Variants in ADK observed in about 807,000 individuals in gnomAD.
The protein encoded by ADK is adenosine kinase.
Under a neutral mutation model 44.7 loss-of-function variants are expected in ADK, and 24 were observed. The ratio of observed to expected loss-of-function variants is 0.54; its 90% CI spans 0.39 to 0.76. ADK has a LOEUF of 0.76. Among genes scored for constraint, ADK ranks in the 30% least tolerant of loss-of-function variants. The probability of loss-of-function intolerance (pLI) is 0.00; values close to 1 mark genes in which losing one functional copy is unlikely to be tolerated. For missense variants in ADK, 321 were observed against 425.1 expected (o/e 0.76, Z 2.15); for synonymous variants, 128 against 142.6 (o/e 0.90, Z 0.73).
chr10:74,615,608 A>G (rs1417482698), intron 9 of ADK, among the ~76,000 whole-genome samples: 1 of 152,220 alleles, frequency 6.6e-6, no homozygotes, highest in Non-Finnish European at 1.5e-5. Context: ...TGAGTATGTA[A>G]TAGACCTCAT....
intron 7 of ADK, among the ~76,000 whole-genome samples, chr10:74,557,293 T>C (rs2133804885): frequency 1.3e-5 from 2 of 152,318 alleles, no homozygotes; most frequent in South Asian, 4.1e-4. Context: ...GATTGTGTAA[T>C]ATTTTTATCT....
At chr10:74,184,498 A>G (rs1842675069) in intron 1 of ADK, among the ~76,000 whole-genome samples, 1 of 116,848 alleles carries the variant, frequency 8.6e-6, no homozygotes, top group Admixed American at 9.3e-5. Flanking sequence ...GCCTGGCTAT[A>G]TTTTGTGTGT....
At chr10:74,155,433 C>T (rs973772432) in intron 1 of ADK, among the ~76,000 whole-genome samples, 9 of 151,952 alleles carry the variant, frequency 5.9e-5, no homozygotes, top group South Asian at 2.1e-4. Flanking sequence ...TGGGATTACA[C>T]GTGTGAGCCA....
intron 6 of ADK, among the ~76,000 whole-genome samples, chr10:74,410,243 C>T (rs1465270992): frequency 6.6e-6 from 1 of 151,598 alleles, no homozygotes; most frequent in Non-Finnish European, 1.5e-5. Flanking sequence ...AAATTTCATG[C>T]TCAGAATTTA....
intron 7 of ADK, among the ~76,000 whole-genome samples, chr10:74,568,170 C>T (rs1850762516): frequency 6.6e-6 from 1 of 152,044 alleles, no homozygotes; most frequent in Non-Finnish European, 1.5e-5. Flanking sequence ...GTGTTTAGCT[C>T]ATCAGCTGTT....
intron 6 of ADK, among the ~76,000 whole-genome samples, chr10:74,463,073 ATTATT>A (rs1323975263): frequency 6.6e-6 from 1 of 151,952 alleles, no homozygotes; most frequent in African/African-American, 2.4e-5. Flanking sequence ...CTAATAAGTG[ATTATT>A]TTATTTTTTT....
At chr10:74,217,808 G>T (rs1844121346) in intron 2 of ADK, among the ~76,000 whole-genome samples, 1 of 152,058 alleles carries the variant, frequency 6.6e-6, no homozygotes. Context: ...TGCAGCTGAG[G>T]GTCCTGTCTG....
At chr10:74,204,760 C>T (rs1843526351) in intron 2 of ADK, among the ~76,000 whole-genome samples, 1 of 152,018 alleles carries the variant, frequency 6.6e-6, no homozygotes, top group African/African-American at 2.4e-5. Context: ...TGTCAAATTT[C>T]AGGCTGGGCG....
intron 4 of ADK, among the ~76,000 whole-genome samples, chr10:74,345,582 A>G (rs567243412): frequency 5.9e-5 from 9 of 152,304 alleles, no homozygotes; most frequent in Admixed American, 3.9e-4. Flanking sequence ...TGCTGGGTTT[A>G]CAGATGTGAG....
intron 6 of ADK, among the ~76,000 whole-genome samples, chr10:74,510,116 G>T (rs1029877619): frequency 2.0e-4 from 31 of 152,096 alleles, no homozygotes; most frequent in African/African-American, 7.0e-4. Flanking sequence ...AGGATTGCTG[G>T]ATCATGTAGT....
At chr10:74,176,878 G>T in intron 1 of ADK, 1 of 1,609,932 alleles carries the variant, frequency 6.2e-7, no homozygotes. Flanking sequence ...AAGCCATGAC[G>T]TCAGTCAGGT....
chr10:74,628,096 A>G (rs1853281279), intron 9 of ADK, among the ~76,000 whole-genome samples: 1 of 152,222 alleles, frequency 6.6e-6, no homozygotes, highest in Admixed American at 6.5e-5. Context: ...TAAACCATCT[A>G]TACATAGAGA....
rs184264997 is a variant in ADK at position 74,500,003 on chromosome 10, C to T, written c.556-25253C>T. On this transcript the variant is annotated intron_variant, in intron 6 of 10. Transcript: ENST00000539909. ...TATGAGCTTGGGTGAGTTAAACAAC[C>T]TTTCTGCACTGTTAATTTCATCTGC... Among the ~76,000 whole-genome samples the T allele has an allele frequency of 2.6e-5, 4 of 152,272 alleles. No individual in the cohort carries two copies. The East Asian group carries it at 7.7e-4, about 29-fold the overall frequency.
At chr10:74,696,475 C>T (rs1486050647) in intron 10 of ADK, among the ~76,000 whole-genome samples, 1 of 151,790 alleles carries the variant, frequency 6.6e-6, no homozygotes, top group Non-Finnish European at 1.5e-5. Flanking sequence ...ATGCCATTCT[C>T]CTGCCTCAGC....
At chr10:74,399,686 CT>C (rs1843643928) in intron 6 of ADK, among the ~76,000 whole-genome samples, 1 of 151,676 alleles carries the variant, frequency 6.6e-6, no homozygotes, top group Admixed American at 6.6e-5. Flanking sequence ...AATCTTGATA[CT>C]GTATTTCTTG....
chr10:74,460,062 GT>G (rs553308416), intron 6 of ADK, among the ~76,000 whole-genome samples: 1 of 152,048 alleles, frequency 6.6e-6, no homozygotes, highest in Non-Finnish European at 1.5e-5. Flanking sequence ...AGTGATTTGG[GT>G]TTGGAAGCTT....
intron 1 of ADK, among the ~76,000 whole-genome samples, chr10:74,167,253 C>T (rs574105307): frequency 1.0e-3 from 157 of 152,230 alleles, no homozygotes; most frequent in Non-Finnish European, 1.0e-3. Flanking sequence ...GTGATCCTCC[C>T]GCCTCAGCCT....
chr10:74,506,009 C>T (rs1380033084), intron 6 of ADK: 17 of 152,126 alleles, frequency 1.1e-4, no homozygotes, highest in Admixed American at 1.0e-3. Context: ...TGAAGCCAAA[C>T]CTCTTTCTAA....
intron 6 of ADK, among the ~76,000 whole-genome samples, chr10:74,520,708 T>C (rs1309141037): frequency 6.6e-6 from 1 of 152,028 alleles, no homozygotes; most frequent in Admixed American, 6.6e-5. Context: ...GGTTGTGTAA[T>C]GTGTTTAAGT....
Sources: allele counts gnomAD v4.1 joint callset (sites outside exome capture counted in the v4.1 genomes callset), GRCh38; gene constraint gnomAD v4.1.1; transcripts MANE v1.5; gene names NCBI Gene and HGNC (gene_info 2026-07-23, HGNC 2026-07-21).